Variants in MET observed in about 807,000 individuals in gnomAD.
The protein encoded by MET is MET proto-oncogene, receptor tyrosine kinase, also known as hepatocyte growth factor receptor.
MET carries 48 observed loss-of-function variants against 133.1 expected under a neutral mutation model. The ratio of observed to expected loss-of-function variants is 0.36; its 90% confidence interval spans 0.29 to 0.46. MET has a LOEUF of 0.46. Among genes scored for constraint, MET ranks in the 20% least tolerant of loss-of-function variants. The probability of loss-of-function intolerance (pLI) is 1.00; values close to 1 mark genes in which losing one functional copy is unlikely to be tolerated. For synonymous variants in MET, 628 were observed against 616.5 expected (o/e 1.02, Z -0.28); for missense variants, 1,442 against 1,695.9 (o/e 0.85, Z 2.63).
chr7:116,757,939 C>T, intron 8 of MET, 165 bp downstream of exon 8: 1 of 740,406 alleles, frequency 1.4e-6, no homozygotes, highest in South Asian at 1.8e-5. Context: ...TTCATCTACT[C>T]CTTTTGCTGA....
chr7:116,705,024 C>T (rs1002399843), intron 2 of MET, among the ~76,000 whole-genome samples: 4 of 151,976 alleles, frequency 2.6e-5, no homozygotes, highest in Admixed American at 1.3e-4. Flanking sequence ...TAAAGAGTCA[C>T]TACTCAGAGC....
At chr7:116,741,222 AG>A (rs1377225979) in intron 5 of MET, 197 bp downstream of exon 5, 2 of 638,468 alleles carry the variant, frequency 3.1e-6, no homozygotes, top group Admixed American at 5.6e-5. Flanking sequence ...TCGGGCAGGG[AG>A]GGGGTGGTGT....
chr7:116,715,769 G>A (rs893800782), intron 2 of MET, among the ~76,000 whole-genome samples: 2 of 152,178 alleles, frequency 1.3e-5, no homozygotes, highest in South Asian at 4.1e-4. Flanking sequence ...AGCCAGGAAG[G>A]GCAGGGCCAC....
At chr7:116,713,527 C>A (rs1189842704) in intron 2 of MET, among the ~76,000 whole-genome samples, 1 of 152,124 alleles carries the variant, frequency 6.6e-6, no homozygotes, top group Non-Finnish European at 1.5e-5. Context: ...CAGAGAGAAG[C>A]TTTCCTGAGC....
chr7:116,780,862 T>C (rs1398127915), intron 17 of MET, among the ~76,000 whole-genome samples: 3 of 152,114 alleles, frequency 2.0e-5, no homozygotes, highest in African/African-American at 7.2e-5. Context: ...TGGTTTGGGG[T>C]GATTTCTTTC....
At chr7:116,716,467 G>GAGAAAGAAAGAGAGAA (rs1792219587) in intron 2 of MET, among the ~76,000 whole-genome samples, 1 of 108,196 alleles carries the variant, frequency 9.2e-6, no homozygotes, top group East Asian at 2.8e-4. Context: ...AAGAAAGAAA[G>GAGAAAGAAAGAGAGAA]AGAAAGAAAG....
At chr7:116,683,823 C>T (rs1466407812) in intron 1 of MET, among the ~76,000 whole-genome samples, 1 of 152,210 alleles carries the variant, frequency 6.6e-6, no homozygotes, top group African/African-American at 2.4e-5. Context: ...TCCACATTTT[C>T]TTTGCCTACA....
At chr7:116,791,536 A>G (rs1795493700) in intron 19 of MET, among the ~76,000 whole-genome samples, 1 of 152,020 alleles carries the variant, frequency 6.6e-6, no homozygotes, top group South Asian at 2.1e-4. Context: ...GCCTATTTTT[A>G]AGTATTTATT....
intron 4 of MET, 58 bp from the exon 5 acceptor site, chr7:116,740,794 A>G (rs916095164): frequency 6.3e-7 from 1 of 1,594,908 alleles, no homozygotes; most frequent in Admixed American, 1.7e-5. Context: ...CTTACTTTAT[A>G]ATTAATTAAC....
chr7:116,780,188 A>C (rs1387663766), intron 17 of MET, among the ~76,000 whole-genome samples: 4 of 152,156 alleles, frequency 2.6e-5, no homozygotes, highest in African/African-American at 7.2e-5. Flanking sequence ...GCCAGGACCT[A>C]AAAGTCACCA....
At chr7:116,777,908 G>A (rs981945812) in intron 16 of MET, among the ~76,000 whole-genome samples, 1 of 152,074 alleles carries the variant, frequency 6.6e-6, no homozygotes, top group Non-Finnish European at 1.5e-5. Context: ...AGAAAACTAC[G>A]CTGGCCAAAA....
At chr7:116,765,071 G>A (rs193246342) in intron 11 of MET, among the ~76,000 whole-genome samples, 2 of 152,052 alleles carry the variant, frequency 1.3e-5, no homozygotes, top group Non-Finnish European at 2.9e-5. Flanking sequence ...AGGCCAAGGC[G>A]GGTGAATCAC....
At chr7:116,792,692 C>T (rs1795547140) in intron 19 of MET, among the ~76,000 whole-genome samples, 1 of 152,116 alleles carries the variant, frequency 6.6e-6, no homozygotes, top group South Asian at 2.1e-4. Flanking sequence ...TTTCTGATAC[C>T]CAGTTATTGC....
At chr7:116,676,955 G>A (rs189441404) in intron 1 of MET, among the ~76,000 whole-genome samples, 3 of 151,894 alleles carry the variant, frequency 2.0e-5, no homozygotes, top group Admixed American at 1.3e-4. Flanking sequence ...TGGTTTATGA[G>A]ACATGGAAGA....
rs766929091 is a variant in MET at position 116,731,758 on chromosome 7, A to G, written c.1291A>G (p.Met431Val). 7.4e-6 allele frequency: 12 copies of G among 1,614,130 alleles called. No individual in the cohort carries two copies. In the South Asian group the frequency reaches 1.2e-4, roughly 16 times the overall value. The change falls in exon 3 of 21, where the codon ATG becomes GTG. Residue 431 changes from methionine (M) to valine (V), a missense_variant. Physicochemically the swap from Met to Val is conservative, Grantham distance 21 (BLOSUM62 1). Around this residue, in one of 6 missense-constraint regions of MET, gnomAD observed 762 missense variants for 792.4 expected, o/e 0.96. Coordinates refer to ENST00000397752, the MANE Select transcript of MET (RefSeq NM_000245.4). ...AGCTTTGCAGCGCGTTGACTTATTC[A>G]TGGGTCAATTCAGCGAAGTCCTCTT... Reference protein sequence around the residue: ...TTALQRVDLFMGQFSEVLLTS... With the variant: ...TTALQRVDLFVGQFSEVLLTS...
chr7:116,778,650 A>G, intron 16 of MET, 126 bp from the exon 17 acceptor site: 1 of 997,950 alleles, frequency 1.0e-6, no homozygotes, highest in Non-Finnish European at 1.5e-6. Flanking sequence ...AACACTCTGC[A>G]GTCAAACCCT....
intron 10 of MET, among the ~76,000 whole-genome samples, chr7:116,760,606 C>T (rs1017356179): frequency 6.6e-6 from 1 of 152,124 alleles, no homozygotes; most frequent in African/African-American, 2.4e-5. Context: ...TACAGCACTT[C>T]CTTTTAGATT....
At chr7:116,721,319 G>C (rs1792474640) in intron 2 of MET, among the ~76,000 whole-genome samples, 2 of 152,246 alleles carry the variant, frequency 1.3e-5, no homozygotes, top group Admixed American at 1.3e-4. Flanking sequence ...ATTTCTGTGG[G>C]ATTGGTGGTG....
intron 2 of MET, among the ~76,000 whole-genome samples, chr7:116,719,643 A>C (rs1403508414): frequency 6.6e-6 from 1 of 152,186 alleles, no homozygotes; most frequent in Non-Finnish European, 1.5e-5. Flanking sequence ...TAAGTCTTTA[A>C]TCCATCTTGA....
Sources: allele counts gnomAD v4.1 joint callset (sites outside exome capture counted in the v4.1 genomes callset), GRCh38; gene constraint gnomAD v4.1.1; regional missense constraint gnomAD v4.1.1; transcripts MANE v1.5; gene names NCBI Gene and HGNC (gene_info 2026-07-23, HGNC 2026-07-21).